GABRA3: variants seen among roughly 807,000 people sequenced by gnomAD.
The protein encoded by GABRA3 is gamma-aminobutyric acid type A receptor subunit alpha3.
In GABRA3, 10 loss-of-function variants were observed where a neutral mutation model predicts 30.1. The ratio of observed to expected loss-of-function variants is 0.33; its 90% CI spans 0.20 to 0.56. GABRA3 has a LOEUF of 0.56. Ranked by LOEUF, GABRA3 falls within the 20% of genes least tolerant of loss-of-function variation. The pLI is 0.89. For missense variants in GABRA3, 233 were observed against 392.0 expected (o/e 0.59, Z 3.42); for synonymous variants, 151 against 146.8 (o/e 1.03, Z -0.21).
At chrX:152,282,798 T>C (rs890081412) in intron 4 of GABRA3, among the ~76,000 whole-genome samples, 1 of 111,629 alleles carries the variant, frequency 9.0e-6, no homozygotes, top group Non-Finnish European at 1.9e-5. Flanking sequence ...TTTGCATATG[T>C]GTTTCTACAG....
At chrX:152,316,952 A>T (rs1310768637) in intron 3 of GABRA3, among the ~76,000 whole-genome samples, 1 of 111,953 alleles carries the variant, frequency 8.9e-6, no homozygotes, top group African/African-American at 3.2e-5. Context: ...AAACACAATT[A>T]AAAAACCATG....
intron 5 of GABRA3, among the ~76,000 whole-genome samples, chrX:152,252,800 T>C (rs1455103695): frequency 9.0e-6 from 1 of 111,276 alleles, no homozygotes; most frequent in Non-Finnish European, 1.9e-5. Context: ...TCATCTTCAA[T>C]AAGGGGCATA....
chrX:152,356,689 C>G (rs968412920), intron 2 of GABRA3, among the ~76,000 whole-genome samples: 11 of 110,747 alleles, frequency 9.9e-5, no homozygotes, highest in African/African-American at 3.6e-4. Context: ...ATTTCGTCAC[C>G]CAGGTAATAA....
At chrX:152,437,067 G>A (rs1930794860) in intron 1 of GABRA3, among the ~76,000 whole-genome samples, 1 of 111,373 alleles carries the variant, frequency 9.0e-6, no homozygotes, top group Middle Eastern at 4.7e-3. Flanking sequence ...ATACACAGAT[G>A]GCTAATAAGC....
chrX:152,306,651 G>C (rs1026605340), intron 3 of GABRA3, among the ~76,000 whole-genome samples: 6 of 111,645 alleles, frequency 5.4e-5, no homozygotes, highest in Non-Finnish European at 1.1e-4. Context: ...AAAATGAGAA[G>C]TTTTACCTCC....
At chrX:152,441,127 T>C (rs184373231) in intron 1 of GABRA3, among the ~76,000 whole-genome samples, 31 of 111,000 alleles carry the variant, frequency 2.8e-4, no homozygotes, top group African/African-American at 9.8e-4. Flanking sequence ...GTAAGGGAAA[T>C]TTTCTCTATC....
chrX:152,427,730 T>C (rs2124542754), intron 1 of GABRA3, among the ~76,000 whole-genome samples: 1 of 112,269 alleles, frequency 8.9e-6, no homozygotes, highest in Non-Finnish European at 1.9e-5. Context: ...CTGATATATT[T>C]CATATACTCA....
At chrX:152,320,073 A>G (rs1192025212) in intron 3 of GABRA3, among the ~76,000 whole-genome samples, 1 of 111,439 alleles carries the variant, frequency 9.0e-6, no homozygotes, top group Non-Finnish European at 1.9e-5. Flanking sequence ...ATAAAAAAAA[A>G]GACGTTGGCA....
At chrX:152,364,625 TAA>T in intron 1 of GABRA3, 29 bp from the exon 2 acceptor site, 2 of 1,078,121 alleles carry the variant, frequency 1.9e-6, no homozygotes, top group Admixed American at 4.8e-5. Context: ...AGATAAGGGA[TAA>T]GAGGTAGAGA....
At chrX:152,366,252 G>A (rs1439338621) in intron 1 of GABRA3, among the ~76,000 whole-genome samples, 1 of 111,790 alleles carries the variant, frequency 8.9e-6, no homozygotes, top group Non-Finnish European at 1.9e-5. Flanking sequence ...AGATAATCAC[G>A]ATACATGAAT....
chrX:152,268,992 T>C (rs1938878492), intron 4 of GABRA3, among the ~76,000 whole-genome samples: 1 of 112,384 alleles, frequency 8.9e-6, no homozygotes, highest in Non-Finnish European at 1.9e-5. Context: ...TTTATTCCAT[T>C]GTGGACAGAA....
At chrX:152,174,406 A>C (rs979662128) in intron 9 of GABRA3, among the ~76,000 whole-genome samples, 40 of 112,078 alleles carry the variant, frequency 3.6e-4, no homozygotes, top group Non-Finnish European at 6.8e-4. Context: ...TAGTCCCACC[A>C]ACAGTGTAAA....
chrX:152,426,014 T>C (rs1930507515), intron 1 of GABRA3, among the ~76,000 whole-genome samples: 1 of 111,247 alleles, frequency 9.0e-6, no homozygotes, highest in Non-Finnish European at 1.9e-5. Context: ...TAATTCCCAA[T>C]TATTTATTTA....
intron 3 of GABRA3, among the ~76,000 whole-genome samples, chrX:152,337,955 G>A (rs1456296188): frequency 2.7e-5 from 3 of 112,488 alleles, no homozygotes; most frequent in African/African-American, 6.5e-5. Flanking sequence ...CACTTAGGTC[G>A]ATTCCATATT....
chrX:152,195,665 C>T (rs1459595701), intron 8 of GABRA3, among the ~76,000 whole-genome samples: 1 of 111,660 alleles, frequency 9.0e-6, no homozygotes, highest in African/African-American at 3.3e-5. Flanking sequence ...ATCTTTCCTC[C>T]TTCTGTCATC....
At chrX:152,285,384 C>T (rs112089459) in intron 3 of GABRA3, among the ~76,000 whole-genome samples, 21 of 111,454 alleles carry the variant, frequency 1.9e-4, no homozygotes, top group African/African-American at 6.8e-4. Flanking sequence ...GGTTAATTGT[C>T]CCATATTTGG....
At chrX:152,309,112 C>A (rs1287497474) in intron 3 of GABRA3, among the ~76,000 whole-genome samples, 4 of 111,816 alleles carry the variant, frequency 3.6e-5, no homozygotes, top group Non-Finnish European at 3.8e-5. Context: ...ATAGAATGAA[C>A]AAAACCCCCA....
At chrX:152,194,953 T>C (rs1303042043) in intron 8 of GABRA3, among the ~76,000 whole-genome samples, 1 of 110,159 alleles carries the variant, frequency 9.1e-6, no homozygotes, top group African/African-American at 3.3e-5. Flanking sequence ...TAAGAAGAGG[T>C]CTCCCTATGT....
chrX:152,363,676 CT>C (rs1259346152), intron 2 of GABRA3, among the ~76,000 whole-genome samples: 1 of 111,944 alleles, frequency 8.9e-6, no homozygotes, highest in Non-Finnish European at 1.9e-5. Flanking sequence ...CTCAAGAATC[CT>C]TGTTTCATAC....
Sources: allele counts gnomAD v4.1 joint callset (sites outside exome capture counted in the v4.1 genomes callset), GRCh38; gene constraint gnomAD v4.1.1; transcripts MANE v1.5; gene names NCBI Gene and HGNC (gene_info 2026-07-23, HGNC 2026-07-21).